The following ZFHX3 variants were observed in gnomAD, a reference collection of about 807,000 sequenced individuals.
ZFHX3 encodes the protein zinc finger homeobox protein 3.
ZFHX3 carries 42 observed loss-of-function variants against 279.1 expected under a neutral mutation model. The observed-to-expected ratio is 0.15, with a 90% CI of 0.12 to 0.19. The LOEUF is 0.19. Among genes scored for constraint, ZFHX3 ranks in the 10% least tolerant of loss-of-function variants. The probability of loss-of-function intolerance (pLI) is 1.00; values close to 1 mark genes in which losing one functional copy is unlikely to be tolerated. For missense variants in ZFHX3, 4,981 were observed against 4,754.0 expected (o/e 1.05, Z -1.40); for synonymous variants, 2,293 against 1,957.8 (o/e 1.17, Z -4.52).
intron 1 of ZFHX3, among the ~76,000 whole-genome samples, chr16:72,998,224 A>T (rs2144588471): frequency 6.6e-6 from 1 of 152,294 alleles, no homozygotes; most frequent in East Asian, 1.9e-4. Context: ...AACATGGTGA[A>T]ACCCCATCTC....
chr16:73,173,910 G>T (rs780972763), intron 5 of ZFHX3, among the ~76,000 whole-genome samples: 17 of 152,176 alleles, frequency 1.1e-4, no homozygotes, highest in Non-Finnish European at 1.6e-4. Flanking sequence ...TAAGATTTAG[G>T]GAATGGTGTT....
chr16:72,918,136 C>T (rs1043223550), intron 3 of ZFHX3, among the ~76,000 whole-genome samples: 3 of 152,172 alleles, frequency 2.0e-5, no homozygotes, highest in African/African-American at 7.2e-5. Flanking sequence ...TCCCTGTGAT[C>T]CACACGAGTG....
At chr16:73,259,536 T>C (rs781686428) in intron 4 of ZFHX3, among the ~76,000 whole-genome samples, 1 of 152,226 alleles carries the variant, frequency 6.6e-6, no homozygotes, top group African/African-American at 2.4e-5. Flanking sequence ...TGGTGTAATA[T>C]ACGAATGCAT....
intron 5 of ZFHX3, among the ~76,000 whole-genome samples, chr16:72,813,704 C>T (rs1282358325): frequency 6.6e-6 from 1 of 152,170 alleles, no homozygotes; most frequent in Non-Finnish European, 1.5e-5. Context: ...ACCCATTTTG[C>T]TCTTAATGGG....
intron 2 of ZFHX3, among the ~76,000 whole-genome samples, chr16:73,570,949 C>A (rs1341779982): frequency 2.5e-4 from 35 of 142,062 alleles, no homozygotes; most frequent in South Asian, 2.2e-4. Flanking sequence ...CTTTTCTTCT[C>A]AAAAAAAAAA....
At chr16:73,557,286 G>A (rs955260838) in intron 2 of ZFHX3, among the ~76,000 whole-genome samples, 5 of 151,910 alleles carry the variant, frequency 3.3e-5, no homozygotes, top group African/African-American at 1.2e-4. Context: ...TAGCGCTTTG[G>A]GAAAATAAAC....
intron 3 of ZFHX3, among the ~76,000 whole-genome samples, chr16:73,330,067 T>G (rs1430677762): frequency 6.6e-6 from 1 of 152,046 alleles, no homozygotes; most frequent in Non-Finnish European, 1.5e-5. Flanking sequence ...AATGCAGACC[T>G]TTGACAAGCC....
At chr16:73,101,495 C>T (rs1966229846) in intron 7 of ZFHX3, among the ~76,000 whole-genome samples, 1 of 152,180 alleles carries the variant, frequency 6.6e-6, no homozygotes, top group Non-Finnish European at 1.5e-5. Flanking sequence ...TCTCCTGCCT[C>T]AGCCTCCTGA....
intron 8 of ZFHX3, among the ~76,000 whole-genome samples, chr16:73,077,767 G>T (rs189698918): frequency 1.3e-5 from 2 of 152,122 alleles, no homozygotes; most frequent in African/African-American, 4.8e-5. Context: ...TTTGCCGATC[G>T]TGTCAATCAT....
chr16:73,691,496 C>G (rs559410520), intron 1 of ZFHX3, among the ~76,000 whole-genome samples: 1 of 152,284 alleles, frequency 6.6e-6, no homozygotes, highest in East Asian at 1.9e-4. Flanking sequence ...AATCCTGGCT[C>G]TACCATGTTT....
intron 5 of ZFHX3, among the ~76,000 whole-genome samples, chr16:72,820,466 C>G (rs2036759084): frequency 6.6e-6 from 1 of 152,154 alleles, no homozygotes; most frequent in African/African-American, 2.4e-5. Context: ...TGGTTTAGAC[C>G]AACATCAGCT....
chr16:73,514,842 A>C (rs1035546810), intron 2 of ZFHX3, among the ~76,000 whole-genome samples: 20 of 152,118 alleles, frequency 1.3e-4, no homozygotes, highest in African/African-American at 4.3e-4. Flanking sequence ...ATGAGCTGAC[A>C]TGAACTTTCA....
At chr16:73,019,647 T>G (rs576883793) in intron 1 of ZFHX3, among the ~76,000 whole-genome samples, 61 of 152,298 alleles carry the variant, frequency 4.0e-4, no homozygotes, top group Admixed American at 3.6e-3. Flanking sequence ...CTAAAGGGCA[T>G]GAACCTGGAG....
chr16:73,737,326 T>C (rs1045602772), intron 1 of ZFHX3, among the ~76,000 whole-genome samples: 2 of 152,174 alleles, frequency 1.3e-5, no homozygotes, highest in African/African-American at 4.8e-5. Flanking sequence ...CATGAGCCAC[T>C]GCACTCAGCC....
At chr16:73,487,247 C>G (rs148865258) in intron 2 of ZFHX3, among the ~76,000 whole-genome samples, 5 of 152,192 alleles carry the variant, frequency 3.3e-5, no homozygotes, top group African/African-American at 1.2e-4. Flanking sequence ...AGGTGAGAGA[C>G]GTTAATAACA....
Position 72,999,309 on chromosome 16 carries a change from C to T in ZFHX3, c.-49-39115G>A, listed in dbSNP as rs566321701. On this transcript the variant is annotated intron_variant, in intron 1 of 9. Transcript: ENST00000268489. ...AGTAGCTGGGATTATAGGCACATGC[C>T]GCCACACCCGGCTAATTTTTGTATT... Among the ~76,000 whole-genome samples, 731 of 152,262 alleles carry T rather than the reference C, an allele frequency of 4.8e-3. 5 individuals carry two copies. The highest frequency in any genetic ancestry group is 0.024 in the Middle Eastern group (7 of 294).
At chr16:73,475,530 A>G (rs191591479) in intron 2 of ZFHX3, among the ~76,000 whole-genome samples, 7 of 152,170 alleles carry the variant, frequency 4.6e-5, no homozygotes, top group Admixed American at 4.6e-4. Context: ...TTTTTTTCAT[A>G]AAGTTGCATA....
chr16:73,774,597 C>CA (rs1185629837), intron 1 of ZFHX3, among the ~76,000 whole-genome samples: 1 of 152,196 alleles, frequency 6.6e-6, no homozygotes, highest in Non-Finnish European at 1.5e-5. Flanking sequence ...ATGCACCCCC[C>CA]AAAGATGGTG....
chr16:72,795,651 A>T lies in ZFHX3; in HGVS notation c.7031T>A (p.Ile2344Asn). The change falls in exon 9 of 10, where the codon ATC becomes AAC. Residue 2344 changes from isoleucine (I) to asparagine (N), a missense_variant. Ile to Asn is a moderately radical substitution (Grantham distance 149). Transcript: ENST00000268489. The part of the protein sequence containing the change: ...SLVFQRIFDL[I>N]KHQKKLCYKD... ...GTAACACAGCTTCTTCTGGTGCTTG[A>T]TGAGATCAAAGATGCGCTGAAACAC... 6.2e-7 allele frequency: 1 copy of T among 1,613,932 alleles called. No homozygotes were observed. The highest frequency in any genetic ancestry group is 8.5e-7 in the Non-Finnish European group (1 of 1,179,960).
Sources: gnomAD v4.1 joint callset for allele counts (sites outside exome capture counted in the v4.1 genomes callset) on GRCh38, gnomAD v4.1.1 for gene constraint, MANE v1.5 for transcripts, NCBI Gene and HGNC (gene_info 2026-07-23, HGNC 2026-07-21) for gene names.